The following RIMBP2 variants were observed in gnomAD, a reference collection of about 807,000 sequenced individuals.
RIMBP2 encodes RIMS binding protein 2.
Under a neutral mutation model 118.6 loss-of-function variants are expected in RIMBP2, and 48 were observed. That is an observed-to-expected ratio of 0.40 (90% CI 0.32 to 0.51). The LOEUF (loss-of-function observed/expected upper bound fraction) is 0.51, where lower values mean the gene tolerates loss of function less well. Ranked by LOEUF, RIMBP2 falls within the 20% of genes least tolerant of loss-of-function variation. RIMBP2 has a pLI of 0.41. For missense variants in RIMBP2, 1,551 were observed against 1,768.3 expected (o/e 0.88, Z 2.20); for synonymous variants, 762 against 742.9 (o/e 1.03, Z -0.42).
At chr12:130,476,182 A>C (rs1052080874) in intron 5 of RIMBP2, among the ~76,000 whole-genome samples, 1 of 152,186 alleles carries the variant, frequency 6.6e-6, no homozygotes, top group Non-Finnish European at 1.5e-5. Context: ...CGGGTCAAAG[A>C]AAACGAGGAC....
At chr12:130,418,364 T>C (rs1407832072) in intron 17 of RIMBP2, among the ~76,000 whole-genome samples, 1 of 152,192 alleles carries the variant, frequency 6.6e-6, no homozygotes, top group Non-Finnish European at 1.5e-5. Context: ...GTATCTGAGT[T>C]CAATAGAATG....
At chr12:130,480,542 ATTT>A (rs2081896890) in intron 4 of RIMBP2, among the ~76,000 whole-genome samples, 2 of 152,168 alleles carry the variant, frequency 1.3e-5, no homozygotes, top group East Asian at 3.9e-4. Context: ...TTGGTCATTT[ATTT>A]TTTATTATTT....
rs1191092419 is a variant in RIMBP2, at chr12:130,510,659, A to C, written c.-126-3889T>G. Among the ~76,000 whole-genome samples, 3 of 152,062 alleles carry C rather than the reference A, an allele frequency of 2.0e-5. No individual in the cohort carries two copies. The East Asian group carries it at 5.8e-4, about 29-fold the overall frequency. On this transcript the variant is annotated intron_variant, in intron 3 of 22. Transcript: ENST00000690449. ...AATTTTTGCATTTTAAGGAGAGACA[A>C]GGTTTTGTCATGTTGGCCAGGCTGG... is the stretch of plus-strand genomic sequence containing the variant.
At chr12:130,590,860 A>ACGGCTGGC (rs1555301600) in intron 2 of RIMBP2, among the ~76,000 whole-genome samples, 1 of 152,128 alleles carries the variant, frequency 6.6e-6, no homozygotes, top group Non-Finnish European at 1.5e-5. Context: ...TGTCACCCGG[A>ACGGCTGGC]TGGCTGGCTG....
chr12:130,609,019 C>T (rs984097925), intron 2 of RIMBP2, among the ~76,000 whole-genome samples: 4 of 152,122 alleles, frequency 2.6e-5, no homozygotes, highest in Non-Finnish European at 5.9e-5. Flanking sequence ...TGAGTGAGGT[C>T]ATTCAGTATT....
In RIMBP2 at chr12:130,578,059, A is replaced by G. The variant is rs868689038; in HGVS notation, c.-217+50263T>C. ...CTGGGGAAAAAAATATCTTCTCTGA[A>G]AGGCAGATGTGAACTGGATGGTTTC... On this transcript the variant is annotated intron_variant, in intron 2 of 22. Coordinates refer to ENST00000690449, the MANE Select transcript of RIMBP2 (RefSeq NM_001393629.1). This position sits in a 1 kb window ranked among gnomAD's most constrained non-coding sequence, Gnocchi z 4.1. Among the ~76,000 whole-genome samples, 71 of 152,330 alleles carry G rather than the reference A, an allele frequency of 4.7e-4. No homozygotes were observed. Among genetic ancestry groups the G allele is most frequent in the Middle Eastern group, 3.4e-3 (1 of 294 alleles).
rs561416687 is a variant in RIMBP2 at position 130,688,989 on chromosome 12, C to G, written c.-352+27233G>C. On this transcript the variant is annotated intron_variant, in intron 1 of 22. Transcript: ENST00000690449. This position sits in a 1 kb window ranked among gnomAD's most constrained non-coding sequence, Gnocchi z 4.7. Reference sequence around the variant, plus strand: ...CGATATCCTCTGTCCCTTTTCATTTCTGAAAAGCGCCGGTTACAGCCCACA... The same window carrying G: ...CGATATCCTCTGTCCCTTTTCATTTGTGAAAAGCGCCGGTTACAGCCCACA... Among the ~76,000 whole-genome samples, 16 of 152,350 alleles carry G rather than the reference C, an allele frequency of 1.1e-4. No individual in the cohort carries two copies. Among genetic ancestry groups the G allele is most frequent in the African/African-American group, 3.8e-4 (16 of 41,588 alleles).
intron 2 of RIMBP2, among the ~76,000 whole-genome samples, chr12:130,616,998 G>T (rs542582386): frequency 2.0e-4 from 31 of 152,222 alleles, no homozygotes; most frequent in African/African-American, 7.2e-4. Flanking sequence ...GGGTGCAGGG[G>T]CCCCCCTCCT....
At position 130,424,435 on chromosome 12, in the gene RIMBP2, C is replaced by G. The variant is rs1482400500; in HGVS notation, c.2836G>C (p.Gly946Arg). 17 of 1,232,582 alleles carry G rather than the reference C, an allele frequency of 1.4e-5. No homozygotes were observed. The East Asian group carries it at 5.4e-4, about 39-fold the overall frequency. The allele number at this position is 1,232,582 out of a possible 1,614,324, so 76.4% of individuals were successfully genotyped here. A position where few individuals can be genotyped will look rare whatever the true frequency, so the allele number is the denominator to read the frequency against. The change falls in exon 16 of 23, where the codon GGT becomes CGT. Residue 946 changes from glycine to arginine, a missense_variant. Coordinates refer to ENST00000690449, the MANE Select transcript of RIMBP2 (RefSeq NM_001393629.1). This position sits in a 1 kb window ranked among gnomAD's most constrained non-coding sequence, Gnocchi z 9.8. Reference protein sequence around the residue: ...NTVAACSPGPGHCPCRRGPRP... With the variant: ...NTVAACSPGPRHCPCRRGPRP... The stretch of plus-strand genomic sequence containing the variant: ...GGGCCCCTCCTGCAGGGACAGTGAC[C>G]AGGGCCTGGGCTGCACGCGGCCACG...
chr12:130,642,287 GTTT>G (rs1432971365), intron 1 of RIMBP2, among the ~76,000 whole-genome samples: 14 of 32,102 alleles, frequency 4.4e-4, no homozygotes, highest in Middle Eastern at 0.022. Flanking sequence ...GTTTTGTTTT[GTTT>G]TGTGTTTTTT....
chr12:130,589,916 C>T (rs1566320283), intron 2 of RIMBP2, among the ~76,000 whole-genome samples: 1 of 152,142 alleles, frequency 6.6e-6, no homozygotes, highest in Non-Finnish European at 1.5e-5. Context: ...CATCCCAGAG[C>T]AGCTAACCCA....
chr12:130,661,942 G>A (rs1488235561), intron 1 of RIMBP2, among the ~76,000 whole-genome samples: 8 of 152,176 alleles, frequency 5.3e-5, no homozygotes, highest in Non-Finnish European at 1.5e-5. Flanking sequence ...TTCTGTATGT[G>A]TCACATGAGC....
intron 1 of RIMBP2, among the ~76,000 whole-genome samples, chr12:130,704,886 G>A (rs115461147): frequency 2.3e-4 from 35 of 152,272 alleles, no homozygotes; most frequent in African/African-American, 7.0e-4. Context: ...CTGTCTGTGC[G>A]TCCAAGTCCC....
chr12:130,513,623 T>C (rs983179507), intron 3 of RIMBP2, among the ~76,000 whole-genome samples: 2 of 152,180 alleles, frequency 1.3e-5, no homozygotes, highest in African/African-American at 4.8e-5. Context: ...ATCAAGCATA[T>C]TCTTTGCACT....
chr12:130,470,860 G>A (rs2080944745), intron 5 of RIMBP2, 117 bp from the exon 6 acceptor site: 1 of 495,722 alleles, frequency 2.0e-6, no homozygotes, highest in Non-Finnish European at 3.2e-6. Flanking sequence ...CTCTAATAGA[G>A]GAATTAAAAT....
intron 14 of RIMBP2, chr12:130,430,491 A>T (rs1185932365): frequency 6.6e-6 from 1 of 152,110 alleles, no homozygotes; most frequent in Non-Finnish European, 1.5e-5. Flanking sequence ...AAAAATCACA[A>T]ATTCCTCTTA....
intron 1 of RIMBP2, among the ~76,000 whole-genome samples, chr12:130,646,195 T>C (rs202164635): frequency 0.1 from 439 of 4,196 alleles, 55 homozygotes; most frequent in East Asian, 0.24. Flanking sequence ...CCCTCACCAC[T>C]TCCCTCTCCA....
chr12:130,589,407 T>C (rs1293433547), intron 2 of RIMBP2, among the ~76,000 whole-genome samples: 1 of 152,258 alleles, frequency 6.6e-6, no homozygotes, highest in African/African-American at 2.4e-5. Flanking sequence ...CACTCATTGA[T>C]GTACTCAATG....
intron 3 of RIMBP2, among the ~76,000 whole-genome samples, chr12:130,515,642 C>A (rs992951892): frequency 4.0e-5 from 6 of 150,992 alleles, no homozygotes; most frequent in African/African-American, 9.8e-5. Flanking sequence ...GTTATTTCCA[C>A]CTTTTGGCTA....
Sources: gnomAD v4.1 joint callset for allele counts (sites outside exome capture counted in the v4.1 genomes callset) on GRCh38, gnomAD v4.1.1 for gene constraint, Gnocchi (gnomAD v3.1) non-coding constraint, MANE v1.5 for transcripts, NCBI Gene and HGNC (gene_info 2026-07-23, HGNC 2026-07-21) for gene names.